Variants in TRIP13 observed in about 807,000 individuals in gnomAD.
TRIP13 encodes the protein pachytene checkpoint protein 2 homolog.
A neutral mutation model predicts 54.4 loss-of-function variants in TRIP13; 25 were observed. The ratio of observed to expected loss-of-function variants is 0.46; its 90% CI spans 0.33 to 0.64. The LOEUF is 0.64. TRIP13 is among the 30% of genes least tolerant of loss of function. TRIP13 has a pLI of 0.02. For missense variants in TRIP13, 373 were observed against 534.2 expected, an observed-to-expected ratio of 0.70 and a Z score of 2.97; for synonymous variants, 207 against 207.8, an observed-to-expected ratio of 1.00 and a Z score of 0.03.
intron 5 of TRIP13, 43 bp downstream of exon 5, chr5:901,474 A>G (rs1007192215): frequency 3.1e-6 from 5 of 1,592,068 alleles, no homozygotes; most frequent in Non-Finnish European, 4.3e-6. Flanking sequence ...AGTGGCATGA[A>G]ATTTAGCCTT....
At chr5:906,115 G>A (rs1034106832) in intron 6 of TRIP13, among the ~76,000 whole-genome samples, 1 of 152,152 alleles carries the variant, frequency 6.6e-6, no homozygotes, top group Non-Finnish European at 1.5e-5. Context: ...TTGAGGCTGA[G>A]GTGGGAGGAT....
rs2150690457 is a variant in TRIP13, at chr5:911,782, G to A, written c.867-61G>A. 1.3e-6 allele frequency: 2 copies of A among 1,561,440 alleles called. No individual in the cohort carries two copies. Among genetic ancestry groups the A allele is most frequent in the East Asian group, 2.3e-5 (1 of 44,236 alleles). On this transcript the variant is annotated intron_variant, in intron 9 of 12. Transcript: ENST00000166345. The surrounding 1 kb of genome is among the most constrained non-coding windows in gnomAD (Gnocchi z 4.7). ...GCCAACCTCCTTGCCAGATAGGGCA[G>A]GATAGAATTGGGTCACCGACAGCCG...
chr5:906,733 G>T (rs1262609373), intron 6 of TRIP13, among the ~76,000 whole-genome samples: 1 of 152,178 alleles, frequency 6.6e-6, no homozygotes, highest in Non-Finnish European at 1.5e-5. Flanking sequence ...GCATTCCTGG[G>T]CTCTGGGGTC....
intron 9 of TRIP13, among the ~76,000 whole-genome samples, chr5:909,203 A>G (rs1754179788): frequency 6.6e-6 from 1 of 152,178 alleles, no homozygotes; most frequent in Non-Finnish European, 1.5e-5. Flanking sequence ...TCACAGGGCC[A>G]GGGCCTGTTG....
intron 9 of TRIP13, among the ~76,000 whole-genome samples, chr5:910,632 G>A (rs1280569522): frequency 2.0e-5 from 3 of 152,156 alleles, no homozygotes; most frequent in Non-Finnish European, 4.4e-5. Context: ...AAGAAACAAG[G>A]AGACACGCTT....
chr5:909,207 C>T (rs560812525), intron 9 of TRIP13, among the ~76,000 whole-genome samples: 1 of 152,306 alleles, frequency 6.6e-6, no homozygotes, highest in East Asian at 1.9e-4. Context: ...AGGGCCAGGG[C>T]CTGTTGTCAT....
chr5:900,038 T>C (rs1753948160), intron 3 of TRIP13, among the ~76,000 whole-genome samples: 1 of 152,204 alleles, frequency 6.6e-6, no homozygotes, highest in Non-Finnish European at 1.5e-5. Context: ...CTGAAGCATA[T>C]GGATAAAAGA....
Position 894,927 on chromosome 5 carries a change from C to T in TRIP13, c.233C>T (p.Thr78Ile). 1 of 1,612,118 alleles carries T rather than the reference C, an allele frequency of 6.2e-7. No individual in the cohort carries two copies. Residue 78 changes from threonine to isoleucine, a missense_variant, in exon 2 of 13, where the codon ACA becomes ATA. Transcript: ENST00000166345. The stretch of plus-strand genomic sequence containing the variant: ...GTGCAGTCTGTGTCTATTATTGACA[C>T]AGAATTAAAGGTTAAAGACTCACAG... ...RNVQSVSIIDTELKVKDSQPI... is the reference protein window; with the variant it reads ...RNVQSVSIIDIELKVKDSQPI...
At position 914,587 on chromosome 5, in the gene TRIP13, G is replaced by C. The variant is rs1203801081; in HGVS notation, c.1133+10G>C. 1 of 1,600,518 alleles carries C rather than the reference G, an allele frequency of 6.2e-7. No individual in the cohort carries two copies. The highest frequency in any genetic ancestry group is 1.3e-5 in the African/African-American group (1 of 74,738). On this transcript the variant is annotated intron_variant, in intron 11 of 12. Transcript: ENST00000166345. Reference sequence around the variant, plus strand: ...TGAATGACATTTCAAGGTGCAAATTGACCTCATTTTTGTAATCAAGAAGAA... The same window carrying C: ...TGAATGACATTTCAAGGTGCAAATTCACCTCATTTTTGTAATCAAGAAGAA...
chr5:915,058 G>A lies in TRIP13; in HGVS notation c.1133+481G>A, dbSNP rs537083519. Among the ~76,000 whole-genome samples the A allele has an allele frequency of 4.6e-5, 7 of 152,174 alleles. No individual in the cohort carries two copies. The East Asian group carries it at 9.7e-4, about 21-fold the overall frequency. ...GAGGCTGGGGAGGTGCCGGAGAGGC[G>A]GGGGGTGGAATGGACAGAGCCTCGG... On this transcript the variant is annotated intron_variant, in intron 11 of 12. Coordinates refer to ENST00000166345, the MANE Select transcript of TRIP13 (RefSeq NM_004237.4). The surrounding 1 kb of genome is among the most constrained non-coding windows in gnomAD (Gnocchi z 4.2).
At chr5:893,896 C>T (rs983083779) in intron 1 of TRIP13, among the ~76,000 whole-genome samples, 5 of 152,120 alleles carry the variant, frequency 3.3e-5, no homozygotes, top group African/African-American at 1.2e-4. Context: ...GTGTAAACAC[C>T]TTAGCGCTCA....
chr5:895,095 C>T (rs903755866), intron 2 of TRIP13, 143 bp downstream of exon 2: 42 of 890,788 alleles, frequency 4.7e-5, no homozygotes, highest in Non-Finnish European at 6.9e-5. Context: ...GTTCTTTTCA[C>T]TAGCTGTCAG....
rs549183991 is a variant in TRIP13 at position 894,635 on chromosome 5, G to C, written c.93-152G>C. 4 of 770,498 alleles carry C rather than the reference G, an allele frequency of 5.2e-6. No homozygotes were observed. In the South Asian group the frequency reaches 8.5e-5, roughly 16 times the overall value. 47.7% of individuals were successfully genotyped at this position (770,498 alleles called of 1,614,324 possible). On this transcript the variant is annotated intron_variant, in intron 1 of 12. Coordinates refer to ENST00000166345, the MANE Select transcript of TRIP13 (RefSeq NM_004237.4). ...GTAGAGGACCCACAGGCAAGGGGTG[G>C]CTCTAGATTTGGTCCCAGGCAGGCC...
intron 5 of TRIP13, among the ~76,000 whole-genome samples, chr5:902,644 G>A (rs1210267703): frequency 1.3e-5 from 2 of 151,870 alleles, no homozygotes; most frequent in Admixed American, 6.5e-5. Context: ...AGACGAGAGA[G>A]TGTAGAAATA....
At position 917,029 on chromosome 5, in the gene TRIP13, G is replaced by A; in HGVS notation, c.1225G>A (p.Gly409Arg). Residue 409 changes from glycine to arginine, a missense_variant, in exon 13 of 13, where the codon GGG becomes AGG. Around this residue, in one of 4 missense-constraint regions of TRIP13, gnomAD observed 101 missense variants for 138.5 expected, o/e 0.73. Transcript: ENST00000166345. ...CTAGGCCCCCACCGTCACCATAGAG[G>A]GGTTCCTCCAGGCCCTGTCTCTGGC... is the stretch of plus-strand genomic sequence containing the variant. ...YVQAPTVTIEGFLQALSLAVD... is the reference protein window; with the variant it reads ...YVQAPTVTIERFLQALSLAVD... 1 of 1,614,132 alleles carries A rather than the reference G, an allele frequency of 6.2e-7. No homozygotes were observed. The highest frequency in any genetic ancestry group is 8.5e-7 in the Non-Finnish European group (1 of 1,180,030).
chr5:895,048 C>G, intron 2 of TRIP13, 96 bp downstream of exon 2: 1 of 1,352,222 alleles, frequency 7.4e-7, no homozygotes, highest in South Asian at 1.5e-5. Context: ...TTGTCAGAAA[C>G]AGGTTCACTT....
At chr5:902,812 A>G (rs1000196821) in intron 5 of TRIP13, among the ~76,000 whole-genome samples, 5 of 152,222 alleles carry the variant, frequency 3.3e-5, no homozygotes, top group Non-Finnish European at 7.3e-5. Context: ...CTCCACTGAT[A>G]GGTAAGGTCA....
At chr5:909,444 C>T (rs146141524) in intron 9 of TRIP13, among the ~76,000 whole-genome samples, 5 of 152,220 alleles carry the variant, frequency 3.3e-5, no homozygotes, top group African/African-American at 1.2e-4. Context: ...TGCAGAGGAA[C>T]GTTTTGTCCA....
chr5:900,453 T>C (rs780403667), intron 3 of TRIP13, 41 bp from the exon 4 acceptor site: 3 of 1,611,502 alleles, frequency 1.9e-6, no homozygotes, highest in South Asian at 2.2e-5. Context: ...CTGTAATTGC[T>C]TGCCTTCCTG....
Sources: gnomAD v4.1 joint callset for allele counts (sites outside exome capture counted in the v4.1 genomes callset) on GRCh38, gnomAD v4.1.1 for gene constraint, gnomAD v4.1.1 regional missense constraint, Gnocchi (gnomAD v3.1) non-coding constraint, MANE v1.5 for transcripts, NCBI Gene and HGNC (gene_info 2026-07-23, HGNC 2026-07-21) for gene names.